DPP10: variants seen among roughly 807,000 people sequenced by gnomAD.
DPP10 encodes inactive dipeptidyl peptidase 10.
In DPP10, 33 loss-of-function variants were observed where a neutral mutation model predicts 120.9. That is an observed-to-expected ratio of 0.27 (90% confidence interval 0.21 to 0.37). DPP10 has a LOEUF of 0.37. Among genes scored for constraint, DPP10 ranks in the 10% least tolerant of loss-of-function variants. The probability of loss-of-function intolerance (pLI) is 1.00; values close to 1 mark genes in which losing one functional copy is unlikely to be tolerated. For synonymous variants in DPP10, 337 were observed against 326.1 expected (o/e 1.03, Z -0.36); for missense variants, 816 against 942.8 (o/e 0.87, Z 1.76).
chr2:115,236,034 G>C (rs1263813420), intron 1 of DPP10, among the ~76,000 whole-genome samples: 1 of 152,196 alleles, frequency 6.6e-6, no homozygotes, highest in Non-Finnish European at 1.5e-5. Context: ...AGGAGTGCAA[G>C]AAACAGACAA....
intron 1 of DPP10, among the ~76,000 whole-genome samples, chr2:114,647,572 G>A (rs1696235011): frequency 6.6e-6 from 1 of 151,848 alleles, no homozygotes; most frequent in African/African-American, 2.4e-5. Flanking sequence ...TAATGAAAAG[G>A]AAAACAGAAG....
rs150571790 is a variant in DPP10, at chr2:115,539,848, C to T, written c.441+13876C>T. 3.5e-3 allele frequency among the ~76,000 whole-genome samples: 528 copies of T among 151,054 alleles called. 2 individuals are homozygous for T. The highest frequency in any genetic ancestry group is 0.012 in the African/African-American group (491 of 41,206). On this transcript the variant is annotated intron_variant, in intron 5 of 25. Coordinates refer to ENST00000410059, the MANE Select transcript of DPP10 (RefSeq NM_020868.6). ...AAAAAACCACAACCAGATATACACA[C>T]AGAGAAGAAATTCAGAAGTAATATT...
intron 3 of DPP10, among the ~76,000 whole-genome samples, chr2:115,374,669 T>C (rs1231998967): frequency 6.6e-6 from 1 of 152,234 alleles, no homozygotes; most frequent in Non-Finnish European, 1.5e-5. Flanking sequence ...TTTCCATATG[T>C]CATCTGAAAT....
chr2:114,731,926 T>C (rs1343282414), intron 1 of DPP10, among the ~76,000 whole-genome samples: 1 of 152,112 alleles, frequency 6.6e-6, no homozygotes, highest in Admixed American at 6.5e-5. Context: ...AGTATGGGAC[T>C]CAGTAGGATG....
rs76439567 is a variant in DPP10 at position 115,134,779 on chromosome 2, G to A, written c.61-174460G>A. 5.3e-3 allele frequency among the ~76,000 whole-genome samples: 803 copies of A among 152,220 alleles called. 47 individuals carry two copies. In the East Asian group the frequency reaches 0.13, roughly 25 times the overall value. On this transcript the variant is annotated intron_variant, in intron 1 of 25. Transcript: ENST00000410059. ...AGGAAACACCACAATGAAAACAGTG[G>A]TTTCGTTGTATTATATTACGTTTTG...
chr2:115,442,002 C>T (rs1185994491), intron 3 of DPP10, among the ~76,000 whole-genome samples: 2 of 151,532 alleles, frequency 1.3e-5, no homozygotes, highest in African/African-American at 4.8e-5. Context: ...TTAGTAGAGA[C>T]GGGATTTCAC....
intron 19 of DPP10, among the ~76,000 whole-genome samples, chr2:115,797,681 A>G (rs914228073): frequency 5.9e-5 from 9 of 152,140 alleles, no homozygotes; most frequent in African/African-American, 2.2e-4. Context: ...AATCTTGTTA[A>G]TAGAAGGGGA....
At chr2:115,550,063 G>A (rs1009249254) in intron 5 of DPP10, among the ~76,000 whole-genome samples, 1 of 152,018 alleles carries the variant, frequency 6.6e-6, no homozygotes, top group Non-Finnish European at 1.5e-5. Context: ...AATCATTTGA[G>A]TCATACAAAA....
intron 1 of DPP10, among the ~76,000 whole-genome samples, chr2:115,114,315 T>C (rs2049386549): frequency 6.6e-6 from 1 of 152,232 alleles, no homozygotes; most frequent in African/African-American, 2.4e-5. Context: ...TCTTTACATA[T>C]TTATTCTGAC....
At chr2:114,859,404 TTTAG>T (rs1234437350) in intron 1 of DPP10, among the ~76,000 whole-genome samples, 4 of 151,946 alleles carry the variant, frequency 2.6e-5, no homozygotes, top group South Asian at 2.1e-4. Flanking sequence ...AAAGAAATTA[TTTAG>T]TTAATCACTA....
intron 1 of DPP10, among the ~76,000 whole-genome samples, chr2:114,639,579 T>C (rs1695554603): frequency 6.6e-6 from 1 of 151,848 alleles, no homozygotes; most frequent in Non-Finnish European, 1.5e-5. Context: ...ACAGTTTCCA[T>C]ACCCCAAACC....
chr2:115,552,380 A>G (rs2079929617), intron 5 of DPP10, among the ~76,000 whole-genome samples: 1 of 152,110 alleles, frequency 6.6e-6, no homozygotes, highest in Non-Finnish European at 1.5e-5. Context: ...TTTACTTTCA[A>G]GCAATTTTAC....
intron 1 of DPP10, among the ~76,000 whole-genome samples, chr2:115,186,861 A>C (rs1002557244): frequency 1.2e-4 from 18 of 151,956 alleles, no homozygotes; most frequent in African/African-American, 4.4e-4. Context: ...CTTTACATGC[A>C]TCATTCTGCC....
intron 1 of DPP10, among the ~76,000 whole-genome samples, chr2:115,020,580 C>T (rs990895996): frequency 2.6e-5 from 4 of 152,024 alleles, no homozygotes; most frequent in South Asian, 4.1e-4. Context: ...TTTAATACTC[C>T]ACCGTCAGCA....
intron 3 of DPP10, among the ~76,000 whole-genome samples, chr2:115,375,731 T>A (rs2065745471): frequency 6.6e-6 from 1 of 152,136 alleles, no homozygotes; most frequent in Admixed American, 6.5e-5. Context: ...GTCAGGAAAC[T>A]TGCAATTATA....
At chr2:114,619,381 A>ATG (rs71998520) in intron 1 of DPP10, among the ~76,000 whole-genome samples, 4,719 of 146,294 alleles carry the variant, frequency 0.032, 98 homozygotes, top group African/African-American at 0.067. Context: ...ATATATACAT[A>ATG]TGTGTGTGTG....
intron 5 of DPP10, among the ~76,000 whole-genome samples, chr2:115,668,664 T>C (rs1158274558): frequency 6.6e-6 from 1 of 152,128 alleles, no homozygotes; most frequent in Non-Finnish European, 1.5e-5. Context: ...TGGGCTGGTC[T>C]GTCAGGTAGT....
chr2:115,605,529 G>A (rs1328971949), intron 5 of DPP10, among the ~76,000 whole-genome samples: 2 of 151,968 alleles, frequency 1.3e-5, no homozygotes, highest in East Asian at 1.9e-4. Flanking sequence ...GAAGTACTCG[G>A]CATTTGATCT....
At chr2:114,890,447 G>T (rs1692447340) in intron 1 of DPP10, among the ~76,000 whole-genome samples, 1 of 152,114 alleles carries the variant, frequency 6.6e-6, no homozygotes. Flanking sequence ...AAGATCAGGG[G>T]CTTTGAAAAG....
Sources: allele counts gnomAD v4.1 joint callset (sites outside exome capture counted in the v4.1 genomes callset), GRCh38; gene constraint gnomAD v4.1.1; transcripts MANE v1.5; gene names NCBI Gene and HGNC (gene_info 2026-07-23, HGNC 2026-07-21).